The following GSG1L variants were observed in gnomAD, a reference collection of about 807,000 sequenced individuals.
The protein encoded by GSG1L is germ cell-specific gene 1-like protein.
Under a neutral mutation model 42.1 loss-of-function variants are expected in GSG1L, and 24 were observed. That is an observed-to-expected ratio of 0.57 (90% CI 0.41 to 0.80). The LOEUF (loss-of-function observed/expected upper bound fraction) is 0.80. GSG1L is among the 30% of genes least tolerant of loss of function. The probability of loss-of-function intolerance (pLI) is 0.00; values close to 1 mark genes in which losing one functional copy is unlikely to be tolerated. For missense variants in GSG1L, 445 were observed against 472.2 expected (o/e 0.94, Z 0.53); for synonymous variants, 215 against 203.5 (o/e 1.06, Z -0.48).
intron 5 of GSG1L, among the ~76,000 whole-genome samples, chr16:27,815,581 T>G (rs2083086051): frequency 6.6e-6 from 1 of 152,190 alleles, no homozygotes; most frequent in Admixed American, 6.5e-5. Flanking sequence ...TGTGAAACAG[T>G]GCTCAGAACA....
chr16:28,040,794 G>A lies in GSG1L; in HGVS notation c.349+22282C>T, dbSNP rs899135229. Among the ~76,000 whole-genome samples, 14 of 152,204 alleles carry A rather than the reference G, an allele frequency of 9.2e-5. No individual in the cohort carries two copies. Among genetic ancestry groups the A allele is most frequent in the South Asian group, 2.1e-4 (1 of 4,824 alleles). ...CCAGGCAGGGTAGTGCTGACTGGCCGCCAGGGCATCTCCTAGAATCAGTTC... is the reference window on the plus strand; with the variant it reads ...CCAGGCAGGGTAGTGCTGACTGGCCACCAGGGCATCTCCTAGAATCAGTTC... On this transcript the variant is annotated intron_variant, in intron 1 of 6. Transcript: ENST00000447459. This position sits in a 1 kb window ranked among gnomAD's most constrained non-coding sequence, Gnocchi z 4.1.
intron 3 of GSG1L, among the ~76,000 whole-genome samples, chr16:27,849,206 A>C (rs1331733293): frequency 8.2e-6 from 1 of 121,968 alleles, no homozygotes; most frequent in African/African-American, 3.4e-5. Context: ...CCAAAAAGAA[A>C]AAAAAAAAAA....
intron 5 of GSG1L, 49 bp downstream of exon 5, chr16:27,828,740 G>A (rs1381752384): frequency 1.3e-6 from 2 of 1,567,146 alleles, no homozygotes; most frequent in East Asian, 2.3e-5. Context: ...GCCAGGCCGT[G>A]GGCTTTAGAG....
At chr16:28,014,705 T>C (rs919519585) in intron 1 of GSG1L, among the ~76,000 whole-genome samples, 2 of 148,020 alleles carry the variant, frequency 1.4e-5, no homozygotes, top group Non-Finnish European at 3.0e-5. Context: ...CACTATGTTG[T>C]CTAGGCTGGT....
chr16:28,007,468 ATG>A (rs957498216), intron 1 of GSG1L, among the ~76,000 whole-genome samples: 19 of 147,384 alleles, frequency 1.3e-4, no homozygotes, highest in Middle Eastern at 3.4e-3. Flanking sequence ...ATAAATGTGC[ATG>A]TGTGTGTGGT....
intron 3 of GSG1L, among the ~76,000 whole-genome samples, chr16:27,874,422 C>T: frequency 7.2e-6 from 1 of 138,584 alleles, no homozygotes; most frequent in Non-Finnish European, 1.5e-5. Flanking sequence ...AAACTCTGGA[C>T]ACTGAAGCAC....
At chr16:27,793,010 C>T (rs1001061480) in intron 6 of GSG1L, among the ~76,000 whole-genome samples, 1 of 152,168 alleles carries the variant, frequency 6.6e-6, no homozygotes, top group African/African-American at 2.4e-5. Context: ...AAATGTGATC[C>T]GTATAATTTC....
At chr16:27,826,507 G>A (rs2083210897) in intron 5 of GSG1L, among the ~76,000 whole-genome samples, 1 of 152,154 alleles carries the variant, frequency 6.6e-6, no homozygotes, top group African/African-American at 2.4e-5. Flanking sequence ...TAAGGATTTG[G>A]GTAAAGGTAG....
At chr16:28,056,294 A>G (rs1402950630) in intron 1 of GSG1L, among the ~76,000 whole-genome samples, 1 of 152,196 alleles carries the variant, frequency 6.6e-6, no homozygotes, top group Admixed American at 6.5e-5. Context: ...GCAGCCATAA[A>G]AAAATGATGA....
At chr16:27,861,977 G>A (rs1379830477) in intron 3 of GSG1L, among the ~76,000 whole-genome samples, 1 of 152,154 alleles carries the variant, frequency 6.6e-6, no homozygotes, top group Admixed American at 6.5e-5. Flanking sequence ...TCTCTCAGAT[G>A]TGACCCAACC....
Position 27,976,615 on chromosome 16 carries a change from C to G in GSG1L, c.350-13412G>C, listed in dbSNP as rs542486251. ...ACTAGCCAAGAAAGAGCTGAGGGCT[C>G]CAACAGCAGACATTGGGCAGCCACA... is the stretch of plus-strand genomic sequence containing the variant. On this transcript the variant is annotated intron_variant, in intron 1 of 6. Transcript: ENST00000447459. Among the ~76,000 whole-genome samples the G allele has an allele frequency of 5.9e-5, 9 of 152,320 alleles. No homozygotes were observed. The South Asian group carries it at 1.9e-3, about 32-fold the overall frequency.
chr16:27,803,796 G>GATATATATATATATATAGATATATAT (rs879523842), intron 6 of GSG1L, among the ~76,000 whole-genome samples: 1 of 73,828 alleles, frequency 1.4e-5, no homozygotes, highest in African/African-American at 5.4e-5. Flanking sequence ...TATATATATA[G>GATATATATATATATATAGATATATAT]ATAGATAGAT....
At chr16:27,796,431 A>G (rs1279862013) in intron 6 of GSG1L, among the ~76,000 whole-genome samples, 3 of 152,236 alleles carry the variant, frequency 2.0e-5, no homozygotes, top group African/African-American at 7.2e-5. Flanking sequence ...GTGTCATCAC[A>G]TATGGGAATA....
Position 27,948,847 on chromosome 16 carries a change from G to T in GSG1L, c.397+14309C>A, listed in dbSNP as rs143908939. On this transcript the variant is annotated intron_variant, in intron 2 of 6. Coordinates refer to ENST00000447459, the MANE Select transcript of GSG1L (RefSeq NM_001109763.2). ...GATGGTCTCAATCTCCTGACCTCGTGATCCGCCTGCCTCGGCCTCCCAAAG... is the reference window on the plus strand; with the variant it reads ...GATGGTCTCAATCTCCTGACCTCGTTATCCGCCTGCCTCGGCCTCCCAAAG... 7.2e-3 allele frequency among the ~76,000 whole-genome samples: 1,093 copies of T among 150,856 alleles called. 11 individuals carry two copies. The highest frequency in any genetic ancestry group is 0.025 in the African/African-American group (1,038 of 41,066).
chr16:27,991,311 G>T (rs1424443831), intron 1 of GSG1L, among the ~76,000 whole-genome samples: 1 of 141,288 alleles, frequency 7.1e-6, no homozygotes, highest in Non-Finnish European at 1.5e-5. Context: ...CTCCCTGATA[G>T]AATAGGTTCT....
intron 1 of GSG1L, among the ~76,000 whole-genome samples, chr16:27,996,123 C>A (rs1422217035): frequency 1.3e-5 from 2 of 152,122 alleles, no homozygotes; most frequent in Non-Finnish European, 2.9e-5. Flanking sequence ...CTCTCTCTGT[C>A]ACTCACACTC....
chr16:27,909,335 CTTTTTCTTTCTTTCTTTCT>C (rs1567514723), intron 2 of GSG1L, among the ~76,000 whole-genome samples: 3 of 150,430 alleles, frequency 2.0e-5, no homozygotes, highest in Non-Finnish European at 3.0e-5. Flanking sequence ...CTCTTTCTTT[CTTTTTCTTTCTTTCTTTCT>C]TTTTTCTTTC....
chr16:27,814,931 T>G (rs1343763744), intron 5 of GSG1L, among the ~76,000 whole-genome samples: 1 of 151,976 alleles, frequency 6.6e-6, no homozygotes, highest in East Asian at 1.9e-4. Flanking sequence ...AAGACAGATT[T>G]ACTTTTTTTT....
chr16:27,851,046 G>T (rs771400666), intron 3 of GSG1L, among the ~76,000 whole-genome samples: 2 of 152,168 alleles, frequency 1.3e-5, no homozygotes, highest in Non-Finnish European at 2.9e-5. Context: ...GAGCAGGGGA[G>T]CGAGAGGGCG....
Sources: allele counts gnomAD v4.1 joint callset (sites outside exome capture counted in the v4.1 genomes callset), GRCh38; gene constraint gnomAD v4.1.1; non-coding constraint Gnocchi (gnomAD v3.1); transcripts MANE v1.5; gene names NCBI Gene and HGNC (gene_info 2026-07-23, HGNC 2026-07-21).